NXPH1: variants seen among roughly 807,000 people sequenced by gnomAD.
The protein encoded by NXPH1 is neurexophilin 1.
Under a neutral mutation model 23.7 loss-of-function variants are expected in NXPH1, and 5 were observed. The observed-to-expected ratio is 0.21, with a 90% CI of 0.11 to 0.44. The LOEUF is 0.44. Among genes scored for constraint, NXPH1 ranks in the 20% least tolerant of loss-of-function variants. The pLI is 0.99. For synonymous variants in NXPH1, 144 were observed against 122.2 expected (o/e 1.18, Z -1.18); for missense variants, 324 against 321.6 (o/e 1.01, Z -0.06).
At chr7:8,720,462 A>G (rs1348715205) in intron 2 of NXPH1, among the ~76,000 whole-genome samples, 2 of 152,244 alleles carry the variant, frequency 1.3e-5, no homozygotes, top group Non-Finnish European at 2.9e-5. Context: ...GAAATGATAA[A>G]CACTATGCAA....
intron 2 of NXPH1, among the ~76,000 whole-genome samples, chr7:8,543,868 C>A (rs773070003): frequency 1.3e-5 from 2 of 151,406 alleles, no homozygotes; most frequent in Non-Finnish European, 3.0e-5. Context: ...TTTTTCTAAG[C>A]TTATGATTTT....
chr7:8,485,097 C>T (rs1176961479), intron 2 of NXPH1, among the ~76,000 whole-genome samples: 2 of 152,086 alleles, frequency 1.3e-5, no homozygotes, highest in African/African-American at 4.8e-5. Flanking sequence ...CTAGAGGAGA[C>T]ATGTCATGGG....
rs556216198 is a variant in NXPH1, at chr7:8,739,015, G to A, written c.55-11993G>A. Among the ~76,000 whole-genome samples, 12 of 152,072 alleles carry A rather than the reference G, an allele frequency of 7.9e-5. No homozygotes were observed. The East Asian group carries it at 2.3e-3, about 30-fold the overall frequency. On this transcript the variant is annotated intron_variant, in intron 2 of 2. Transcript: ENST00000405863. ...CATCCCAGGTCGACTTCAGACTGCTGTGCTGGCAGCAAGAATTTCAAGCCA... is the reference window on the plus strand; with the variant it reads ...CATCCCAGGTCGACTTCAGACTGCTATGCTGGCAGCAAGAATTTCAAGCCA...
chr7:8,665,820 T>G (rs552052576), intron 2 of NXPH1, among the ~76,000 whole-genome samples: 1 of 151,662 alleles, frequency 6.6e-6, no homozygotes, highest in Non-Finnish European at 1.5e-5. Flanking sequence ...AGTTTGTTGT[T>G]AGTGTATAGA....
intron 2 of NXPH1, among the ~76,000 whole-genome samples, chr7:8,672,028 A>C (rs928889727): frequency 6.6e-6 from 1 of 151,630 alleles, no homozygotes; most frequent in Non-Finnish European, 1.5e-5. Context: ...TGTTGCAAAA[A>C]TTTTCTCCCA....
At chr7:8,552,321 C>T (rs1818291980) in intron 2 of NXPH1, among the ~76,000 whole-genome samples, 1 of 151,312 alleles carries the variant, frequency 6.6e-6, no homozygotes, top group Admixed American at 6.6e-5. Flanking sequence ...GGGATTTATA[C>T]TCAGAGGTTT....
At chr7:8,584,006 C>T (rs1225670410) in intron 2 of NXPH1, among the ~76,000 whole-genome samples, 1 of 152,182 alleles carries the variant, frequency 6.6e-6, no homozygotes, top group South Asian at 2.1e-4. Flanking sequence ...TCAGTTCTCC[C>T]AAACTATTAA....
chr7:8,684,610 A>T (rs6973655), intron 2 of NXPH1, among the ~76,000 whole-genome samples: 99,580 of 152,002 alleles, frequency 0.66, 33,015 homozygotes, highest in African/African-American at 0.75. Context: ...CTTACAGAAC[A>T]GTAACTGCAA....
intron 2 of NXPH1, among the ~76,000 whole-genome samples, chr7:8,451,844 G>A (rs1268366212): frequency 6.6e-6 from 1 of 152,198 alleles, no homozygotes. Context: ...TGCTGCATAG[G>A]CAAGAAGAGT....
chr7:8,728,442 T>A (rs868603776), intron 2 of NXPH1, among the ~76,000 whole-genome samples: 13 of 152,188 alleles, frequency 8.5e-5, no homozygotes, highest in African/African-American at 2.9e-4. Flanking sequence ...TGCTTCCAGT[T>A]TTTGCCCATT....
Position 8,751,823 on chromosome 7 carries a change from G to T in NXPH1, c.*54G>T. 6.7e-7 allele frequency: 1 copy of T among 1,494,706 alleles called. No homozygotes were observed. The highest frequency in any genetic ancestry group is 9.0e-7 in the Non-Finnish European group (1 of 1,117,288). 92.6% of individuals were successfully genotyped at this position (1,494,706 alleles called of 1,614,324 possible). A position where few individuals can be genotyped will look rare whatever the true frequency, so the allele number is the denominator to read the frequency against. On this transcript the variant is annotated 3_prime_UTR_variant, in exon 3 of 3. Coordinates refer to ENST00000405863, the MANE Select transcript of NXPH1 (RefSeq NM_152745.3). The surrounding 1 kb of genome is among the most constrained non-coding windows in gnomAD (Gnocchi z 4.5). ...TGAGGAATTAAAGGTCATATGACAG[G>T]GCTGTTACCTCAAAGAAGAAGGTCA...
intron 2 of NXPH1, among the ~76,000 whole-genome samples, chr7:8,522,512 A>G (rs1584209335): frequency 2.0e-5 from 3 of 152,218 alleles, no homozygotes; most frequent in South Asian, 4.1e-4. Flanking sequence ...AGAGTAGACA[A>G]TTCTTTGAGA....
At chr7:8,741,458 T>C (rs1344694015) in intron 2 of NXPH1, among the ~76,000 whole-genome samples, 1 of 152,130 alleles carries the variant, frequency 6.6e-6, no homozygotes, top group African/African-American at 2.4e-5. Context: ...TTTGTAGTTG[T>C]AGTTTTTTGA....
intron 2 of NXPH1, among the ~76,000 whole-genome samples, chr7:8,469,719 A>T (rs537694631): frequency 6.6e-5 from 10 of 152,138 alleles, no homozygotes; most frequent in Non-Finnish European, 1.2e-4. Context: ...TGAGGGTAAA[A>T]TACACACTAT....
intron 2 of NXPH1, among the ~76,000 whole-genome samples, chr7:8,447,554 G>A (rs899986707): frequency 6.6e-6 from 1 of 152,238 alleles, no homozygotes; most frequent in Non-Finnish European, 1.5e-5. Context: ...GTGAACAGCT[G>A]CAGCAAATAG....
At chr7:8,585,479 T>C (rs952048665) in intron 2 of NXPH1, among the ~76,000 whole-genome samples, 8 of 152,192 alleles carry the variant, frequency 5.3e-5, no homozygotes, top group Admixed American at 3.9e-4. Flanking sequence ...GGGTAAATCA[T>C]AACCAGGATT....
intron 2 of NXPH1, among the ~76,000 whole-genome samples, chr7:8,669,859 T>C (rs1424596663): frequency 6.6e-6 from 1 of 152,240 alleles, no homozygotes; most frequent in Admixed American, 6.5e-5. Context: ...TCAGGTGCTA[T>C]AATTTTTCAC....
At chr7:8,635,265 C>T (rs1412144339) in intron 2 of NXPH1, among the ~76,000 whole-genome samples, 1 of 152,170 alleles carries the variant, frequency 6.6e-6, no homozygotes, top group Non-Finnish European at 1.5e-5. Context: ...GCTGAAGGCA[C>T]AATTCTTTAA....
rs970832086 is a variant in NXPH1, at chr7:8,581,889, A to T, written c.54+146122A>T. Among the ~76,000 whole-genome samples the T allele has an allele frequency of 3.3e-5, 5 of 152,154 alleles. No homozygotes were observed. The East Asian group carries it at 7.7e-4, about 24-fold the overall frequency. On this transcript the variant is annotated intron_variant, in intron 2 of 2. Transcript: ENST00000405863. ...TGGGGTGTTGCTTTGCTAGCCAGAA[A>T]CCTCTGTGGCCAGTTGCATCTTCTG...
Sources: gnomAD v4.1 joint callset for allele counts (sites outside exome capture counted in the v4.1 genomes callset) on GRCh38, gnomAD v4.1.1 for gene constraint, Gnocchi (gnomAD v3.1) non-coding constraint, MANE v1.5 for transcripts, NCBI Gene and HGNC (gene_info 2026-07-23, HGNC 2026-07-21) for gene names.